The following CHLSN variants were observed in gnomAD, a reference collection of about 807,000 sequenced individuals.
The protein encoded by CHLSN is protein cholesin.
the CHLSN span, among the ~76,000 whole-genome samples, chr7:1,000,809 G>A: frequency 5.9e-5 from 9 of 152,198 alleles, no homozygotes; most frequent in Non-Finnish European, 1.2e-4. Context: ...GCTCACCACT[G>A]ACCCCAAGTC....
the CHLSN span, among the ~76,000 whole-genome samples, chr7:1,123,608 T>C: frequency 6.6e-6 from 1 of 152,094 alleles, no homozygotes; most frequent in South Asian, 2.1e-4. This position sits in a 1 kb window ranked among gnomAD's most constrained non-coding sequence, Gnocchi z 4.4. Context: ...TTTTTTTTTT[T>C]TAAAACAATT....
At chr7:1,086,260 T>G in the CHLSN span, among the ~76,000 whole-genome samples, 5 of 152,256 alleles carry the variant, frequency 3.3e-5, no homozygotes, top group African/African-American at 1.2e-4. Flanking sequence ...ATGTCTCAGC[T>G]ATTTCAAGGT....
the CHLSN span, chr7:986,292 T>G: frequency 3.2e-6 from 1 of 311,772 alleles, no homozygotes; most frequent in Non-Finnish European, 6.0e-6. Flanking sequence ...CTCCAAGGTC[T>G]GAGGTCTGCT....
the CHLSN span, among the ~76,000 whole-genome samples, chr7:1,101,891 TTGG>T: frequency 6.6e-6 from 1 of 152,262 alleles, no homozygotes; most frequent in Non-Finnish European, 1.5e-5. Flanking sequence ...CTCCTGAGTC[TTGG>T]CTCGCTGGGC....
chr7:1,096,677 A>G, the CHLSN span, among the ~76,000 whole-genome samples: 4 of 152,358 alleles, frequency 2.6e-5, no homozygotes, highest in Admixed American at 2.6e-4. This position sits in a 1 kb window ranked among gnomAD's most constrained non-coding sequence, Gnocchi z 4.6. Context: ...TCAAAAGTAC[A>G]TAGCTGCAAG....
chr7:1,099,069 C>A, the CHLSN span, among the ~76,000 whole-genome samples: 1 of 152,258 alleles, frequency 6.6e-6, no homozygotes, highest in Non-Finnish European at 1.5e-5. Context: ...CTTTTCAGAG[C>A]CTCACTGTCA....
At chr7:1,110,087 G>A in the CHLSN span, among the ~76,000 whole-genome samples, 2 of 152,298 alleles carry the variant, frequency 1.3e-5, no homozygotes, top group South Asian at 2.1e-4. Context: ...TGCCCCAAGC[G>A]CAGAGGCGAG....
the CHLSN span, among the ~76,000 whole-genome samples, chr7:1,113,620 C>G: frequency 6.6e-6 from 1 of 152,228 alleles, no homozygotes; most frequent in South Asian, 2.1e-4. Context: ...ATCTCACGCT[C>G]CACAGGACTC....
At chr7:1,046,511 G>T in the CHLSN span, among the ~76,000 whole-genome samples, 1 of 152,276 alleles carries the variant, frequency 6.6e-6, no homozygotes, top group East Asian at 1.9e-4. Context: ...GGTCTCAAAG[G>T]CTCAGGACCC....
chr7:1,021,782 A>G, the CHLSN span, among the ~76,000 whole-genome samples: 5 of 152,250 alleles, frequency 3.3e-5, no homozygotes. Flanking sequence ...AAAAGAAAGC[A>G]TGCGGCAAAA....
At chr7:1,114,881 GCTGCT>G in the CHLSN span, among the ~76,000 whole-genome samples, 4 of 152,260 alleles carry the variant, frequency 2.6e-5, no homozygotes, top group African/African-American at 7.2e-5. Context: ...GCACAAAGCA[GCTGCT>G]CTCACAGGGT....
the CHLSN span, among the ~76,000 whole-genome samples, chr7:1,018,254 C>A: frequency 1.3e-5 from 2 of 151,534 alleles, no homozygotes; most frequent in Admixed American, 1.3e-4. Context: ...CCTACAGGAA[C>A]AGGGGGTTGC....
the CHLSN span, among the ~76,000 whole-genome samples, chr7:1,117,896 A>C: frequency 3.9e-5 from 6 of 152,194 alleles, no homozygotes; most frequent in Middle Eastern, 6.8e-3. Flanking sequence ...CTGGCCCTGA[A>C]CTCCTGAGCT....
the CHLSN span, among the ~76,000 whole-genome samples, chr7:1,118,187 G>A: frequency 2.0e-5 from 3 of 152,316 alleles, no homozygotes; most frequent in South Asian, 6.2e-4. Context: ...TTTGGAAAAT[G>A]TGAATTATAT....
chr7:1,028,303 C>T, the CHLSN span: 1 of 1,052,192 alleles, frequency 9.5e-7, no homozygotes, highest in South Asian at 2.6e-5. Flanking sequence ...GGCGCCGGGG[C>T]AGGGATGCGC....
the CHLSN span, among the ~76,000 whole-genome samples, chr7:1,053,804 G>A: frequency 3.2e-4 from 48 of 152,178 alleles, no homozygotes; most frequent in Non-Finnish European, 2.1e-4. Context: ...TCCAGCCTGG[G>A]CAACAGAGCG....
the CHLSN span, among the ~76,000 whole-genome samples, chr7:987,764 C>T: frequency 2.0e-5 from 3 of 152,156 alleles, no homozygotes; most frequent in Non-Finnish European, 2.9e-5. Flanking sequence ...TCCTGGGGTC[C>T]CCTCCGTGTG....
the CHLSN span, among the ~76,000 whole-genome samples, chr7:1,011,428 A>C: frequency 0.96 from 140,839 of 146,036 alleles, 67,955 homozygotes; most frequent in East Asian, 1. Context: ...GACACCCAGA[A>C]ACACCCACAC....
the CHLSN span, among the ~76,000 whole-genome samples, chr7:992,826 G>C: frequency 2.0e-5 from 3 of 152,230 alleles, no homozygotes; most frequent in African/African-American, 7.2e-5. Flanking sequence ...GGACAGCTCA[G>C]CCTAGCGCCC....
Sources: gnomAD v4.1 joint callset for allele counts (sites outside exome capture counted in the v4.1 genomes callset) on GRCh38, gnomAD v4.1.1 for gene constraint, Gnocchi (gnomAD v3.1) non-coding constraint, MANE v1.5 for transcripts, NCBI Gene and HGNC (gene_info 2026-07-23, HGNC 2026-07-21) for gene names.